The following ZNF624 variants were observed in gnomAD, a reference collection of about 807,000 sequenced individuals.
ZNF624 encodes the protein zinc finger protein 624.
Under a neutral mutation model 74.7 loss-of-function variants are expected in ZNF624, and 43 were observed. The ratio of observed to expected loss-of-function variants is 0.58; its 90% CI spans 0.45 to 0.74. ZNF624 has a LOEUF of 0.74. ZNF624 is among the 30% of genes least tolerant of loss of function. The probability of loss-of-function intolerance (pLI) is 0.00; values close to 1 mark genes in which losing one functional copy is unlikely to be tolerated. For missense variants in ZNF624, 820 were observed against 1,030.0 expected, an observed-to-expected ratio of 0.80 and a Z score of 2.79; for synonymous variants, 331 against 341.3, an observed-to-expected ratio of 0.97 and a Z score of 0.33.
rs1597494275 is a variant in ZNF624 at position 16,633,965 on chromosome 17, G to C, written c.281-8C>G. ...GTTTGGAAACTGCAAGCCCTGTCCA[G>C]AGAAAAATAAATAGGATTTGATTGG... On this transcript the variant is annotated splice_polypyrimidine_tract_variant and splice_region_variant and intron_variant, in intron 4 of 5. Coordinates refer to ENST00000311331, the MANE Select transcript of ZNF624 (RefSeq NM_020787.4). 6.2e-7 allele frequency: 1 copy of C among 1,610,028 alleles called. No individual in the cohort carries two copies. The highest frequency in any genetic ancestry group is 1.7e-4 in the Middle Eastern group (1 of 6,052).
chr17:16,639,421 A>T (rs1405110317), intron 3 of ZNF624, among the ~76,000 whole-genome samples: 2 of 152,270 alleles, frequency 1.3e-5, no homozygotes, highest in Admixed American at 1.3e-4. Flanking sequence ...CTTTATTGTT[A>T]ATCACTTGAC....
At chr17:16,649,499 T>C (rs925532297) in intron 2 of ZNF624, among the ~76,000 whole-genome samples, 159 bp downstream of exon 2, 4 of 152,198 alleles carry the variant, frequency 2.6e-5, no homozygotes, top group African/African-American at 9.6e-5. Flanking sequence ...AATCGTCCCA[T>C]AGTTTACTAC....
chr17:16,647,476 C>T lies in ZNF624; in HGVS notation c.88-82G>A, dbSNP rs150664119. On this transcript the variant is annotated intron_variant, in intron 2 of 5. Transcript: ENST00000311331. ...AGCCTCAACAAGCACCACCAATCCA[C>T]TGTGGATGCAGTGTATACAGGATGA... 134 of 1,151,844 alleles carry T rather than the reference C, an allele frequency of 1.2e-4. No homozygotes were observed. In the East Asian group the frequency reaches 3.0e-3, roughly 26 times the overall value. The allele number at this position is 1,151,844 out of a possible 1,614,324, so 71.4% of individuals were successfully genotyped here. A position where few individuals can be genotyped will look rare whatever the true frequency, so the allele number is the denominator to read the frequency against.
rs756407386 is a variant in ZNF624 at position 16,623,125 on chromosome 17, A to G, written c.1761T>C (p.Asn587=). The stretch of plus-strand genomic sequence containing the variant: ...TTATTCTGAAAGACTCCCCACATTC[A>G]TTGCACAGATAAGGTTTCTCTTCAG... ...IHTEEKPYLC[N]ECGESFRIKS... is the part of the protein sequence containing the mutation. Residue 587 remains asparagine (N), a synonymous_variant, in exon 6 of 6, where the codon AAT becomes AAC. Transcript: ENST00000311331. The surrounding 1 kb of genome is among the most constrained non-coding windows in gnomAD (Gnocchi z 5.3). The G allele has an allele frequency of 1.9e-6, 3 of 1,613,966 alleles. No individual in the cohort carries two copies. The highest frequency in any genetic ancestry group is 2.2e-5 in the East Asian group (1 of 44,862).
intron 3 of ZNF624, among the ~76,000 whole-genome samples, chr17:16,641,259 A>G (rs1909459267): frequency 6.6e-6 from 1 of 151,910 alleles, no homozygotes; most frequent in African/African-American, 2.4e-5. Flanking sequence ...GTCCCTTCTC[A>G]CTTTTCTTTT....
intron 4 of ZNF624, 121 bp downstream of exon 4, chr17:16,634,509 A>G: frequency 7.5e-6 from 8 of 1,061,986 alleles, no homozygotes; most frequent in Non-Finnish European, 1.1e-5. Context: ...GAGGAATAGC[A>G]TAACCCAACA....
chr17:16,614,629 C>T, the ZNF624 span, among the ~76,000 whole-genome samples: 1 of 152,028 alleles, frequency 6.6e-6, no homozygotes, highest in African/African-American at 2.4e-5. Flanking sequence ...ACACATCTTA[C>T]CCACACTCTT....
intron 3 of ZNF624, among the ~76,000 whole-genome samples, chr17:16,636,133 A>G (rs1909324998): frequency 6.6e-6 from 1 of 152,250 alleles, no homozygotes; most frequent in African/African-American, 2.4e-5. Context: ...TTGAGCATCA[A>G]TAAGGATAAT....
chr17:16,643,635 C>G (rs1212362287), intron 3 of ZNF624, among the ~76,000 whole-genome samples: 3 of 152,110 alleles, frequency 2.0e-5, no homozygotes, highest in Admixed American at 6.5e-5. Context: ...TTAAAAACCA[C>G]TGAAATGTAT....
At chr17:16,638,645 A>G (rs1300627421) in intron 3 of ZNF624, among the ~76,000 whole-genome samples, 1 of 152,146 alleles carries the variant, frequency 6.6e-6, no homozygotes, top group African/African-American at 2.4e-5. Context: ...TCTCACTCAT[A>G]GGTGGGAATT....
chr17:16,650,411 T>TATAATAATA (rs58272736), intron 1 of ZNF624, among the ~76,000 whole-genome samples: 6,205 of 148,056 alleles, frequency 0.042, 291 homozygotes, highest in South Asian at 0.12. Flanking sequence ...AGGAAGCAGG[T>TATAATAATA]ATAATAATAA....
chr17:16,631,170 TAAA>T (rs1909198521), intron 5 of ZNF624, among the ~76,000 whole-genome samples: 1 of 152,034 alleles, frequency 6.6e-6, no homozygotes, highest in Non-Finnish European at 1.5e-5. Context: ...AACCCAAGGA[TAAA>T]AGATATCACA....
chr17:16,646,586 A>G (rs1053641740), intron 3 of ZNF624, among the ~76,000 whole-genome samples: 20 of 152,376 alleles, frequency 1.3e-4, no homozygotes, highest in Admixed American at 9.8e-4. Flanking sequence ...AGTGGAAAAA[A>G]GAATGCTGGA....
At chr17:16,630,468 A>G (rs762772673) in intron 5 of ZNF624, among the ~76,000 whole-genome samples, 8 of 152,164 alleles carry the variant, frequency 5.3e-5, no homozygotes, top group Non-Finnish European at 1.2e-4. Context: ...GAGCGAGTAG[A>G]ATCGCTTGAA....
the ZNF624 span, among the ~76,000 whole-genome samples, chr17:16,614,643 G>A: frequency 6.6e-6 from 1 of 151,998 alleles, no homozygotes; most frequent in Non-Finnish European, 1.5e-5. Context: ...CACTCTTCCA[G>A]AGGACCAAAA....
At chr17:16,636,327 T>C (rs917542844) in intron 3 of ZNF624, among the ~76,000 whole-genome samples, 5 of 152,220 alleles carry the variant, frequency 3.3e-5, no homozygotes, top group African/African-American at 7.2e-5. Context: ...CATAATTAAA[T>C]AGTTGCTGAG....
rs147992031 is a variant in ZNF624, at chr17:16,623,653, A to G, written c.1233T>C (p.Asn411=). The G allele has an allele frequency of 6.2e-7, 1 of 1,610,274 alleles. No individual in the cohort carries two copies. The highest frequency in any genetic ancestry group is 8.5e-7 in the Non-Finnish European group (1 of 1,178,776). ...CATCACATTTGTAGGGTTTCTCACC[A>G]TTGTGAGTTTCCTGATGTCTTGCAA... The part of the protein sequence containing the change: ...SKLARHQETH[N]GEKPYKCDDC... Residue 411 remains asparagine, a synonymous_variant, in exon 6 of 6, where the codon AAT becomes AAC. Coordinates refer to ENST00000311331, the MANE Select transcript of ZNF624 (RefSeq NM_020787.4). This position sits in a 1 kb window ranked among gnomAD's most constrained non-coding sequence, Gnocchi z 5.3.
At chr17:16,651,913 T>C (rs1304890188) in intron 1 of ZNF624, among the ~76,000 whole-genome samples, 2 of 152,174 alleles carry the variant, frequency 1.3e-5, no homozygotes, top group Non-Finnish European at 2.9e-5. Flanking sequence ...TTTAGTTTAA[T>C]ATAATGTTAA....
chr17:16,637,821 T>C (rs1021206768), intron 3 of ZNF624, among the ~76,000 whole-genome samples: 1 of 152,040 alleles, frequency 6.6e-6, no homozygotes, highest in Non-Finnish European at 1.5e-5. Flanking sequence ...GGACTTCATG[T>C]CTAAAACACC....
Sources: allele counts gnomAD v4.1 joint callset (sites outside exome capture counted in the v4.1 genomes callset), GRCh38; gene constraint gnomAD v4.1.1; non-coding constraint Gnocchi (gnomAD v3.1); transcripts MANE v1.5; gene names NCBI Gene and HGNC (gene_info 2026-07-23, HGNC 2026-07-21).